DPP10: variants seen among roughly 807,000 people sequenced by gnomAD.
DPP10 encodes the protein dipeptidyl peptidase like 10, also known as inactive dipeptidyl peptidase 10.
In DPP10, 33 loss-of-function variants were observed where a neutral mutation model predicts 120.9. That is an observed-to-expected ratio of 0.27 (90% CI 0.21 to 0.37). The LOEUF (loss-of-function observed/expected upper bound fraction) is 0.37, where lower values mean the gene tolerates loss of function less well. Ranked by LOEUF, DPP10 falls within the 10% of genes least tolerant of loss-of-function variation. The pLI is 1.00. For missense variants in DPP10, 816 were observed against 942.8 expected (o/e 0.87, Z 1.76); for synonymous variants, 337 against 326.1 (o/e 1.03, Z -0.36).
chr2:115,602,912 A>C (rs2083423460), intron 5 of DPP10, among the ~76,000 whole-genome samples: 3 of 152,210 alleles, frequency 2.0e-5, no homozygotes, highest in African/African-American at 7.2e-5. Flanking sequence ...ATTTCCAAAA[A>C]TTATAATTAT....
chr2:114,541,563 T>C (rs569304875), intron 1 of DPP10, among the ~76,000 whole-genome samples: 25 of 152,176 alleles, frequency 1.6e-4, no homozygotes, highest in Non-Finnish European at 3.2e-4. Flanking sequence ...ATTTGAGTAA[T>C]TGCAGAAGGC....
intron 1 of DPP10, among the ~76,000 whole-genome samples, chr2:115,168,623 G>A (rs1475611407): frequency 2.0e-5 from 3 of 151,954 alleles, no homozygotes; most frequent in African/African-American, 7.3e-5. Flanking sequence ...TGTTCTCTAA[G>A]GCTTTTAAAA....
intron 1 of DPP10, among the ~76,000 whole-genome samples, chr2:115,235,644 C>A (rs1167515371): frequency 6.6e-6 from 1 of 152,074 alleles, no homozygotes; most frequent in Non-Finnish European, 1.5e-5. Flanking sequence ...TCACTGCAAC[C>A]TCCACCTCCC....
chr2:115,626,732 T>C (rs2085397376), intron 5 of DPP10, among the ~76,000 whole-genome samples: 1 of 152,180 alleles, frequency 6.6e-6, no homozygotes, highest in Non-Finnish European at 1.5e-5. Flanking sequence ...ATAACCCTGT[T>C]AGACATAGAC....
chr2:115,801,402 C>T (rs1366268153), intron 19 of DPP10, among the ~76,000 whole-genome samples: 2 of 152,162 alleles, frequency 1.3e-5, no homozygotes, highest in African/African-American at 4.8e-5. Flanking sequence ...TTGACTTCCT[C>T]TTTTCCTAAT....
At chr2:114,672,947 G>A (rs1415894101) in intron 1 of DPP10, among the ~76,000 whole-genome samples, 1 of 152,076 alleles carries the variant, frequency 6.6e-6, no homozygotes, top group African/African-American at 2.4e-5. Context: ...ATGGCATGGT[G>A]TCTCCCCCAT....
chr2:114,681,456 AG>A (rs1413804906), intron 1 of DPP10, among the ~76,000 whole-genome samples: 13 of 152,096 alleles, frequency 8.5e-5, no homozygotes, highest in Admixed American at 5.9e-4. Flanking sequence ...TCTATTTCAT[AG>A]GGACCAGATA....
chr2:115,655,739 A>G (rs2088252314), intron 5 of DPP10, among the ~76,000 whole-genome samples: 2 of 151,700 alleles, frequency 1.3e-5, no homozygotes, highest in South Asian at 4.1e-4. Flanking sequence ...TATTAATCAT[A>G]TAATCGCTCA....
chr2:115,827,712 C>T (rs894551068), intron 21 of DPP10, among the ~76,000 whole-genome samples: 1 of 151,592 alleles, frequency 6.6e-6, no homozygotes, highest in Non-Finnish European at 1.5e-5. Flanking sequence ...TCTCCTGCCT[C>T]AGCCTCCCCA....
Position 115,175,927 on chromosome 2 carries a change from C to T in DPP10, c.61-133312C>T, listed in dbSNP as rs554275720. 3.6e-4 allele frequency among the ~76,000 whole-genome samples: 55 copies of T among 152,300 alleles called. No individual in the cohort carries two copies. The South Asian group carries it at 0.011, about 31-fold the overall frequency. ...GGGTATGAATCACTTGGGGATATTGCTGAAAAGCAGATTCTAGTCCAGTGA... is the reference window on the plus strand; with the variant it reads ...GGGTATGAATCACTTGGGGATATTGTTGAAAAGCAGATTCTAGTCCAGTGA... On this transcript the variant is annotated intron_variant, in intron 1 of 25. Transcript: ENST00000410059.
intron 1 of DPP10, among the ~76,000 whole-genome samples, chr2:115,034,887 C>T (rs1362366028): frequency 6.6e-6 from 1 of 152,334 alleles, no homozygotes; most frequent in East Asian, 1.9e-4. Context: ...GTCTCCCTGA[C>T]TTCAGATTCT....
chr2:115,709,808 C>T (rs1263917504), intron 7 of DPP10, among the ~76,000 whole-genome samples: 1 of 151,882 alleles, frequency 6.6e-6, no homozygotes, highest in East Asian at 1.9e-4. Context: ...AACTGCAAAT[C>T]TCTAACAGAT....
chr2:115,600,313 C>A (rs1254157114), intron 5 of DPP10, among the ~76,000 whole-genome samples: 1 of 152,062 alleles, frequency 6.6e-6, no homozygotes, highest in African/African-American at 2.4e-5. Flanking sequence ...TCTTCAATTT[C>A]AAACACCCAA....
chr2:114,925,975 A>T (rs1448417214), intron 1 of DPP10, among the ~76,000 whole-genome samples: 1 of 152,120 alleles, frequency 6.6e-6, no homozygotes, highest in Admixed American at 6.5e-5. Flanking sequence ...AGAGATTAAC[A>T]AGTCTCTGAT....
At chr2:115,395,731 A>G (rs984563167) in intron 3 of DPP10, among the ~76,000 whole-genome samples, 1 of 152,088 alleles carries the variant, frequency 6.6e-6, no homozygotes, top group Non-Finnish European at 1.5e-5. Flanking sequence ...TAGCAAGTCA[A>G]TACACCATTT....
Position 114,521,210 on chromosome 2 carries a change from A to G in DPP10, c.60+78372A>G, listed in dbSNP as rs571336473. 1.3e-4 allele frequency among the ~76,000 whole-genome samples: 19 copies of G among 151,978 alleles called. No homozygotes were observed. In the East Asian group the frequency reaches 2.5e-3, roughly 20 times the overall value. ...AAAATTAATAAAAGATAACAACTTA[A>G]TAAAAGATATCAAATCTAATCTGTC... On this transcript the variant is annotated intron_variant, in intron 1 of 25. Coordinates refer to ENST00000410059, the MANE Select transcript of DPP10 (RefSeq NM_020868.6).
At chr2:114,527,666 A>G (rs367998525) in intron 1 of DPP10, among the ~76,000 whole-genome samples, 6 of 152,288 alleles carry the variant, frequency 3.9e-5, no homozygotes, top group African/African-American at 1.2e-4. Flanking sequence ...CCGTTTAATG[A>G]CAGAGATATG....
At chr2:115,647,729 C>G (rs1273761039) in intron 5 of DPP10, among the ~76,000 whole-genome samples, 1 of 151,928 alleles carries the variant, frequency 6.6e-6, no homozygotes, top group African/African-American at 2.4e-5. Context: ...GCTTTTTTTG[C>G]TGAGTCCTCA....
At chr2:115,342,183 G>T (rs1403033162) in intron 2 of DPP10, 1 of 453,814 alleles carries the variant, frequency 2.2e-6, no homozygotes, top group East Asian at 7.0e-5. Context: ...CATCTATTAT[G>T]TATGTATGTG....
Sources: gnomAD v4.1 joint callset for allele counts (sites outside exome capture counted in the v4.1 genomes callset) on GRCh38, gnomAD v4.1.1 for gene constraint, MANE v1.5 for transcripts, NCBI Gene and HGNC (gene_info 2026-07-23, HGNC 2026-07-21) for gene names.